Variants in FRMD4B observed in about 807,000 individuals in gnomAD.
The protein encoded by FRMD4B is FERM domain containing 4B, also known as FERM domain-containing protein 4B.
A neutral mutation model predicts 141.5 loss-of-function variants in FRMD4B; 74 were observed. That is an observed-to-expected ratio of 0.52 (90% CI 0.43 to 0.63). The LOEUF is 0.63. FRMD4B is among the 30% of genes least tolerant of loss of function. FRMD4B has a pLI of 0.00. For missense variants in FRMD4B, 1,366 were observed against 1,253.4 expected, an observed-to-expected ratio of 1.09 and a Z score of -1.36; for synonymous variants, 506 against 467.9, an observed-to-expected ratio of 1.08 and a Z score of -1.05.
chr3:69,479,331 G>T (rs1706072253), intron 1 of FRMD4B, among the ~76,000 whole-genome samples: 1 of 152,032 alleles, frequency 6.6e-6, no homozygotes, highest in African/African-American at 2.4e-5. Flanking sequence ...GCATGATTTT[G>T]CAGTGGCTGG....
chr3:69,197,546 A>G (rs9847983), intron 12 of FRMD4B, among the ~76,000 whole-genome samples: 122,575 of 149,474 alleles, frequency 0.82, 52,571 homozygotes, highest in Non-Finnish European at 0.95. Flanking sequence ...CTGCTTGTAC[A>G]CCAGATGGAA....
chr3:69,337,863 C>T (rs34841224), intron 1 of FRMD4B, among the ~76,000 whole-genome samples: 42,951 of 151,940 alleles, frequency 0.28, 6,602 homozygotes, highest in Admixed American at 0.34. Flanking sequence ...TTGGTGGGAC[C>T]GTAAACTAGT....
Position 69,171,777 on chromosome 3 carries a change from G to T in FRMD4B, c.*84C>A, listed in dbSNP as rs987206179. On this transcript the variant is annotated 3_prime_UTR_variant, in exon 23 of 23. Transcript: ENST00000398540. ...TTTGATGTCTTTAGGTTTCTAAAAC[G>T]AACATCCTCTCGGAAGACAAATACA... 2 of 1,396,710 alleles carry T rather than the reference G, an allele frequency of 1.4e-6. No homozygotes were observed. The highest frequency in any genetic ancestry group is 1.2e-5 in the South Asian group (1 of 81,526). 86.5% of individuals were successfully genotyped at this position (1,396,710 alleles called of 1,614,324 possible).
intron 2 of FRMD4B, among the ~76,000 whole-genome samples, chr3:69,421,433 G>A (rs1379181059): frequency 6.6e-6 from 1 of 152,168 alleles, no homozygotes; most frequent in African/African-American, 2.4e-5. Flanking sequence ...AGGGAACAGT[G>A]GGGACTGGAG....
intron 4 of FRMD4B, among the ~76,000 whole-genome samples, chr3:69,298,087 C>A (rs1288226659): frequency 1.3e-5 from 2 of 152,150 alleles, no homozygotes; most frequent in East Asian, 3.9e-4. Flanking sequence ...ATCTGTAGGA[C>A]CTCAGGGTTT....
intron 2 of FRMD4B, among the ~76,000 whole-genome samples, chr3:69,412,581 T>A (rs1486833058): frequency 6.6e-6 from 1 of 152,210 alleles, no homozygotes; most frequent in Non-Finnish European, 1.5e-5. Flanking sequence ...AAAGAGAATT[T>A]CATTTGGCTG....
intron 1 of FRMD4B, among the ~76,000 whole-genome samples, chr3:69,539,834 T>C (rs576796655): frequency 2.3e-5 from 3 of 132,480 alleles, no homozygotes; most frequent in Admixed American, 2.2e-4. Context: ...AAAGGTGTGT[T>C]CAAACAGTGT....
At chr3:69,207,128 C>T (rs922631341) in intron 11 of FRMD4B, among the ~76,000 whole-genome samples, 1 of 151,660 alleles carries the variant, frequency 6.6e-6, no homozygotes. Context: ...CATAGTGAGA[C>T]CCTGTCTCCA....
At position 69,215,613 on chromosome 3, in the gene FRMD4B, C is replaced by A. The variant is rs369111171; in HGVS notation, c.876+650G>T. Among the ~76,000 whole-genome samples, 5 of 152,044 alleles carry A rather than the reference C, an allele frequency of 3.3e-5. No individual in the cohort carries two copies. The East Asian group carries it at 9.7e-4, about 30-fold the overall frequency. The stretch of plus-strand genomic sequence containing the variant: ...GCCTGTGACCCTTTCATAAATAGCA[C>A]ACAACTGATTTTTCTCTACAAAAAG... On this transcript the variant is annotated intron_variant, in intron 11 of 22. Coordinates refer to ENST00000398540, the MANE Select transcript of FRMD4B (RefSeq NM_015123.3).
Position 69,433,879 on chromosome 3 carries a change from T to G in FRMD4B, c.-128-1118A>C, listed in dbSNP as rs186746962. ...TCCTCATGATCTCTCAGTGAAACAT[T>G]AGGCAAAAAGAGGATACACTAGAGA... On this transcript the variant is annotated intron_variant, in intron 1 of 5. Transcript: ENST00000459638. Among the ~76,000 whole-genome samples, 15 of 152,194 alleles carry G rather than the reference T, an allele frequency of 9.9e-5. No homozygotes were observed. In the East Asian group the frequency reaches 2.9e-3, roughly 29 times the overall value.
chr3:69,428,669 T>A (rs1347821952), intron 2 of FRMD4B, among the ~76,000 whole-genome samples: 1 of 152,074 alleles, frequency 6.6e-6, no homozygotes, highest in Non-Finnish European at 1.5e-5. Context: ...TTCTTAACAT[T>A]AAAAAACACT....
At chr3:69,515,004 A>G (rs1700728696) in intron 1 of FRMD4B, among the ~76,000 whole-genome samples, 1 of 152,230 alleles carries the variant, frequency 6.6e-6, no homozygotes. Context: ...TGGTACTGGC[A>G]TAAAGACATA....
chr3:69,302,494 TACAG>T, intron 3 of FRMD4B, 59 bp from the exon 4 acceptor site: 1 of 1,027,968 alleles, frequency 9.7e-7, no homozygotes, highest in Non-Finnish European at 1.5e-6. Flanking sequence ...TTCAACAACG[TACAG>T]TGTTGGCAAA....
At chr3:69,523,498 T>C (rs1700885462) in intron 1 of FRMD4B, among the ~76,000 whole-genome samples, 1 of 152,250 alleles carries the variant, frequency 6.6e-6, no homozygotes, top group South Asian at 2.1e-4. Context: ...CCATGCCGTA[T>C]GGTTTCAAAG....
chr3:69,486,117 A>T (rs1162364248), intron 1 of FRMD4B, among the ~76,000 whole-genome samples: 1 of 152,230 alleles, frequency 6.6e-6, no homozygotes, highest in Non-Finnish European at 1.5e-5. Flanking sequence ...TTGGGCATAA[A>T]TAGCCTGGCT....
chr3:69,532,027 A>T (rs1405314570), intron 1 of FRMD4B, among the ~76,000 whole-genome samples: 1 of 152,210 alleles, frequency 6.6e-6, no homozygotes, highest in African/African-American at 2.4e-5. Flanking sequence ...GGAGCAAATG[A>T]CCATGATATG....
At chr3:69,499,944 C>T (rs1706464570) in intron 1 of FRMD4B, among the ~76,000 whole-genome samples, 1 of 152,210 alleles carries the variant, frequency 6.6e-6, no homozygotes, top group South Asian at 2.1e-4. Context: ...TCTGGCTTCA[C>T]GGCTTGGTCA....
intron 2 of FRMD4B, among the ~76,000 whole-genome samples, chr3:69,401,650 A>C (rs989044875): frequency 6.6e-6 from 1 of 152,106 alleles, no homozygotes; most frequent in Non-Finnish European, 1.5e-5. Context: ...CCTGGGCTCA[A>C]GTGATTCTCC....
At chr3:69,300,383 G>A (rs994700087) in intron 4 of FRMD4B, among the ~76,000 whole-genome samples, 2 of 152,176 alleles carry the variant, frequency 1.3e-5, no homozygotes, top group Non-Finnish European at 2.9e-5. Context: ...AAAGTAATGC[G>A]AAGTGATTAG....
Sources: allele counts gnomAD v4.1 joint callset (sites outside exome capture counted in the v4.1 genomes callset), GRCh38; gene constraint gnomAD v4.1.1; transcripts MANE v1.5; gene names NCBI Gene and HGNC (gene_info 2026-07-23, HGNC 2026-07-21).